The following NEBL variants were observed in gnomAD, a reference collection of about 807,000 sequenced individuals.
NEBL encodes the protein LIM and SH3 protein 2.
Under a neutral mutation model 140.2 loss-of-function variants are expected in NEBL, and 122 were observed. The observed-to-expected ratio is 0.87, with a 90% CI of 0.75 to 1.01. NEBL has a LOEUF of 1.01. Ranked by LOEUF, NEBL falls within the 50% of genes least tolerant of loss-of-function variation. NEBL has a pLI of 0.00. For synonymous variants in NEBL, 436 were observed against 398.9 expected (o/e 1.09, Z -1.11); for missense variants, 1,365 against 1,231.3 (o/e 1.11, Z -1.62).
intron 1 of NEBL, among the ~76,000 whole-genome samples, chr10:21,275,273 T>C (rs74123931): frequency 0.034 from 5,230 of 152,296 alleles, 280 homozygotes; most frequent in African/African-American, 0.12. Flanking sequence ...TTTTAAGCTT[T>C]TAATAAATAC....
At chr10:21,230,691 G>T (rs1341758360) in intron 3 of NEBL, among the ~76,000 whole-genome samples, 1 of 147,452 alleles carries the variant, frequency 6.8e-6, no homozygotes, top group Non-Finnish European at 1.5e-5. Flanking sequence ...TGCAACCTCC[G>T]CCCCCTGGGT....
intron 2 of NEBL, among the ~76,000 whole-genome samples, chr10:21,083,588 C>T (rs1274641075): frequency 6.6e-6 from 1 of 151,990 alleles, no homozygotes; most frequent in Non-Finnish European, 1.5e-5. Flanking sequence ...GAGAGAATAA[C>T]GCCAGTGTGC....
At chr10:21,262,380 T>C (rs1426413276) in intron 1 of NEBL, among the ~76,000 whole-genome samples, 1 of 152,192 alleles carries the variant, frequency 6.6e-6, no homozygotes, top group Non-Finnish European at 1.5e-5. Flanking sequence ...GAAGGTGCTC[T>C]CTGGCCCACT....
intron 2 of NEBL, among the ~76,000 whole-genome samples, chr10:21,133,269 A>G (rs1839199201): frequency 6.6e-6 from 1 of 152,216 alleles, no homozygotes; most frequent in Admixed American, 6.5e-5. Context: ...TCAAGGTAAG[A>G]AAAGGAGATG....
intron 4 of NEBL, among the ~76,000 whole-genome samples, chr10:20,946,658 C>T (rs75769816): frequency 0.018 from 2,706 of 152,224 alleles, 36 homozygotes; most frequent in Non-Finnish European, 0.027. Context: ...GACGAGGTTT[C>T]ACCACGCTGT....
chr10:20,840,762 G>A lies in NEBL; in HGVS notation c.1315C>T (p.Arg439Ter), dbSNP rs779918718. Residue 439 changes from arginine (R) to a stop codon, truncating the protein, a stop_gained, in exon 13 of 28, where the codon CGA (arginine) becomes TGA (stop). Transcript: ENST00000377122. LOFTEE classifies it high-confidence loss of function. ...ACCTCACTTGCCATTTCAGAGGCTCGCTTTGCTCTTTGGATATCAAGAACT... is the reference window on the plus strand; with the variant it reads ...ACCTCACTTGCCATTTCAGAGGCTCACTTTGCTCTTTGGATATCAAGAACT... ...SEVLDIQRAKRASEMASEKEY... is the reference protein window; with the variant it reads ...SEVLDIQRAK 18 of 1,610,402 alleles carry A rather than the reference G, an allele frequency of 1.1e-5. No homozygotes were observed. Among genetic ancestry groups the A allele is most frequent in the South Asian group, 7.7e-5 (7 of 90,984 alleles).
chr10:20,864,453 A>C (rs1844058673), intron 7 of NEBL, among the ~76,000 whole-genome samples: 2 of 152,196 alleles, frequency 1.3e-5, no homozygotes, highest in Non-Finnish European at 2.9e-5. Flanking sequence ...ATGTGTTCCC[A>C]CTACCTTTCC....
chr10:21,275,530 ACTC>A (rs1352990948), intron 1 of NEBL, among the ~76,000 whole-genome samples: 1 of 148,682 alleles, frequency 6.7e-6, no homozygotes, highest in African/African-American at 2.5e-5. Flanking sequence ...TCGTGTCCTC[ACTC>A]CTCCTAATAT....
At chr10:21,059,954 T>C (rs988292142) in intron 2 of NEBL, among the ~76,000 whole-genome samples, 2 of 152,216 alleles carry the variant, frequency 1.3e-5, no homozygotes, top group African/African-American at 4.8e-5. Flanking sequence ...AAACTTGATA[T>C]ACAACAATTT....
At chr10:20,831,920 G>A (rs991682329) in intron 14 of NEBL, among the ~76,000 whole-genome samples, 1 of 152,106 alleles carries the variant, frequency 6.6e-6, no homozygotes, top group Non-Finnish European at 1.5e-5. Flanking sequence ...AAGAGTGATT[G>A]TAAAATTGCT....
intron 1 of NEBL, among the ~76,000 whole-genome samples, chr10:21,262,956 CA>C (rs1842757821): frequency 6.6e-6 from 1 of 152,184 alleles, no homozygotes; most frequent in African/African-American, 2.4e-5. Flanking sequence ...CTTTCAGCAT[CA>C]GGGGACAGAA....
At chr10:20,854,623 G>C (rs1842870875) in intron 9 of NEBL, among the ~76,000 whole-genome samples, 1 of 141,476 alleles carries the variant, frequency 7.1e-6, no homozygotes, top group Admixed American at 7.3e-5. Context: ...GGAGTGCAGT[G>C]GAGGGATCAT....
chr10:21,244,376 G>A lies in NEBL; in HGVS notation n.348+3545C>T, dbSNP rs539162964. Among the ~76,000 whole-genome samples the A allele has an allele frequency of 1.9e-3, 282 of 151,986 alleles. 3 individuals are homozygous for A. The highest frequency in any genetic ancestry group is 6.5e-3 in the African/African-American group (270 of 41,444). On this transcript the variant is annotated intron_variant and non_coding_transcript_variant, in intron 3 of 8. Coordinates refer to the NEBL transcript ENST00000675702. The stretch of plus-strand genomic sequence containing the variant: ...TTCAGTAGAGACTTGGTTTCACTGG[G>A]TGCAGTGGCTCATGCCTGTAATCCC...
Position 21,287,272 on chromosome 10 carries a change from A to G in NEBL, n.182+5558T>C, listed in dbSNP as rs76756764. On this transcript the variant is annotated intron_variant and non_coding_transcript_variant, in intron 1 of 8. Coordinates refer to the NEBL transcript ENST00000675702. Reference sequence around the variant, plus strand: ...AGGGTTAGGCTGGGCTCAGTAGTTCATGCCTGTGATCCCAGAATTTTGGGA... The same window carrying G: ...AGGGTTAGGCTGGGCTCAGTAGTTCGTGCCTGTGATCCCAGAATTTTGGGA... 5.6e-3 allele frequency among the ~76,000 whole-genome samples: 859 copies of G among 152,304 alleles called. 8 individuals are homozygous for G. The highest frequency in any genetic ancestry group is 0.017 in the Middle Eastern group (5 of 294).
intron 3 of NEBL, among the ~76,000 whole-genome samples, chr10:21,190,752 C>T (rs186961048): frequency 2.8e-4 from 42 of 152,202 alleles, no homozygotes; most frequent in Admixed American, 2.3e-3. Flanking sequence ...TTGAAATGTC[C>T]TTGTAGAACA....
At chr10:20,901,589 AG>A (rs1588981371), upstream of NEBL, among the ~76,000 whole-genome samples, 2 of 152,184 alleles carry the variant, frequency 1.3e-5, no homozygotes, top group African/African-American at 4.8e-5. Flanking sequence ...GGGGGAAAAA[AG>A]TACAGAGATA....
At chr10:21,075,425 G>A (rs1463340117) in intron 2 of NEBL, among the ~76,000 whole-genome samples, 1 of 152,066 alleles carries the variant, frequency 6.6e-6, no homozygotes, top group Non-Finnish European at 1.5e-5. Flanking sequence ...ACCTAAGAGG[G>A]GCTCCACCAC....
At chr10:20,936,205 T>G (rs1487358889) in intron 4 of NEBL, among the ~76,000 whole-genome samples, 1 of 152,246 alleles carries the variant, frequency 6.6e-6, no homozygotes, top group Admixed American at 6.5e-5. Context: ...GAGCTAATAT[T>G]TAATTCTCAT....
intron 2 of NEBL, chr10:21,029,200 A>G (rs1425538309): frequency 5.5e-5 from 78 of 1,423,942 alleles, no homozygotes; most frequent in East Asian, 1.6e-4. Flanking sequence ...GGCGCCTCCA[A>G]TTGACCATTC....
Sources: allele counts gnomAD v4.1 joint callset (sites outside exome capture counted in the v4.1 genomes callset), GRCh38; gene constraint gnomAD v4.1.1; transcripts MANE v1.5; gene names NCBI Gene and HGNC (gene_info 2026-07-23, HGNC 2026-07-21).